SCUBE2: variants seen among roughly 807,000 people sequenced by gnomAD.
SCUBE2 encodes signal peptide, CUB domain and EGF like domain containing 2.
Under a neutral mutation model 125.9 loss-of-function variants are expected in SCUBE2, and 114 were observed. The ratio of observed to expected loss-of-function variants is 0.91; its 90% CI spans 0.78 to 1.06. SCUBE2 has a LOEUF of 1.06. Among genes scored for constraint, SCUBE2 ranks in the 50% least tolerant of loss-of-function variants. The pLI is 0.00. For missense variants in SCUBE2, 1,255 were observed against 1,301.8 expected, an observed-to-expected ratio of 0.96 and a Z score of 0.55; for synonymous variants, 459 against 492.9, an observed-to-expected ratio of 0.93 and a Z score of 0.91.
At chr11:9,074,435 G>T (rs567714267) in intron 4 of SCUBE2, 46 bp downstream of exon 4, 1 of 1,608,090 alleles carries the variant, frequency 6.2e-7, no homozygotes, top group Admixed American at 1.7e-5. Context: ...CAAGGGAGAG[G>T]GTCTCAGATG....
At chr11:9,029,027 C>T (rs989146999) in intron 19 of SCUBE2, among the ~76,000 whole-genome samples, 1 of 151,826 alleles carries the variant, frequency 6.6e-6, no homozygotes, top group Non-Finnish European at 1.5e-5. Context: ...TAATGATGTA[C>T]TGCCCCCCTC....
Position 9,091,418 on chromosome 11 carries a change from GC to G in SCUBE2, c.110del (p.Gly37AlafsTer10). 7.5e-7 allele frequency: 1 copy of G among 1,330,226 alleles called. No homozygotes were observed. Among genetic ancestry groups the G allele is most frequent in the Non-Finnish European group, 9.6e-7 (1 of 1,042,402 alleles). 82.4% of individuals were successfully genotyped at this position (1,330,226 alleles called of 1,614,324 possible). On this transcript the variant is annotated frameshift_variant, in exon 1 of 23. Coordinates refer to ENST00000649792, the MANE Select transcript of SCUBE2 (RefSeq NM_001367977.2). LOFTEE classifies it high-confidence loss of function. The surrounding 1 kb of genome is among the most constrained non-coding windows in gnomAD (Gnocchi z 8.5). ...CACCCTCCTGCGGCCCCGCGGCACG[GC>G]CCCGACCCGGCGGGACGGCCCCCGC... Reference protein sequence around the residue: ...LLAGAVPPGRGRAAGPQEDVD... With the variant: ...LLAGAVPPGRXRAAGPQEDVD...
At position 9,045,741 on chromosome 11, in the gene SCUBE2, T is replaced by G. The variant is rs541285429; in HGVS notation, c.2002+1615A>C. 6.6e-5 allele frequency among the ~76,000 whole-genome samples: 10 copies of G among 152,110 alleles called. No individual in the cohort carries two copies. The South Asian group carries it at 2.1e-3, about 32-fold the overall frequency. ...CACTTCTTTACACCCACTTCCTCCC[T>G]CAGCAGCAAGAGGGAATGTCACTGG... On this transcript the variant is annotated intron_variant, in intron 16 of 22. Coordinates refer to ENST00000649792, the MANE Select transcript of SCUBE2 (RefSeq NM_001367977.2).
chr11:9,039,572 G>A (rs904125906), intron 16 of SCUBE2, among the ~76,000 whole-genome samples: 1 of 152,188 alleles, frequency 6.6e-6, no homozygotes, highest in Non-Finnish European at 1.5e-5. Flanking sequence ...GGTCTCTGAG[G>A]CGGAATACTA....
At chr11:9,067,917 G>A (rs1057168857) in intron 5 of SCUBE2, among the ~76,000 whole-genome samples, 7 of 132,134 alleles carry the variant, frequency 5.3e-5, no homozygotes, top group South Asian at 2.3e-4. Context: ...TGAGGGTCTC[G>A]CCCCGCAGGT....
chr11:9,079,341 G>A (rs757372486), intron 3 of SCUBE2, 43 bp downstream of exon 3: 7 of 1,611,402 alleles, frequency 4.3e-6, no homozygotes, highest in Non-Finnish European at 5.1e-6. Flanking sequence ...AGAAAGGGGT[G>A]GGAGAGTGAA....
chr11:9,041,023 G>A (rs1483298619), intron 16 of SCUBE2, among the ~76,000 whole-genome samples: 1 of 152,162 alleles, frequency 6.6e-6, no homozygotes, highest in Non-Finnish European at 1.5e-5. Context: ...TTCACCTAAA[G>A]CACTAGCAAT....
chr11:9,052,852 T>G lies in SCUBE2; in HGVS notation c.1448-20A>C. 1 of 1,520,002 alleles carries G rather than the reference T, an allele frequency of 6.6e-7. No homozygotes were observed. Among genetic ancestry groups the G allele is most frequent in the Non-Finnish European group, 8.8e-7 (1 of 1,131,342 alleles). 94.2% of individuals were successfully genotyped at this position (1,520,002 alleles called of 1,614,324 possible). ...GCAGTCCTGACAGACAGAATGTCAA[T>G]TGTCAAATGCATAAGCAAGGTCACA... On this transcript the variant is annotated intron_variant, in intron 12 of 22. Transcript: ENST00000649792.
At chr11:9,051,225 T>TCTATCTATCTATCTACCTAC (rs755617422) in intron 13 of SCUBE2, among the ~76,000 whole-genome samples, 45 of 132,408 alleles carry the variant, frequency 3.4e-4, no homozygotes, top group South Asian at 1.9e-3. Flanking sequence ...TATCTATCTA[T>TCTATCTATCTATCTACCTAC]CTACCTACCT....
chr11:9,029,191 G>C (rs1376424362), intron 19 of SCUBE2, among the ~76,000 whole-genome samples: 1 of 152,260 alleles, frequency 6.6e-6, no homozygotes, highest in East Asian at 1.9e-4. Context: ...TAGACAGCAA[G>C]TCCTTAAATG....
At chr11:9,079,806 C>T (rs529969184) in intron 2 of SCUBE2, among the ~76,000 whole-genome samples, 1 of 152,200 alleles carries the variant, frequency 6.6e-6, no homozygotes, top group Admixed American at 6.5e-5. Flanking sequence ...TCTCTGTGAA[C>T]TGATTTGGAG....
At chr11:9,038,113 A>C (rs1017359719) in intron 16 of SCUBE2, among the ~76,000 whole-genome samples, 3 of 13,130 alleles carry the variant, frequency 2.3e-4, no homozygotes, top group African/African-American at 2.9e-4. Context: ...AGCTGGAGAC[A>C]CAGCAGAGAA....
chr11:9,033,893 A>T (rs1039492072), intron 16 of SCUBE2, 97 bp from the exon 17 acceptor site: 63 of 1,217,062 alleles, frequency 5.2e-5, no homozygotes, highest in Non-Finnish European at 7.4e-5. Flanking sequence ...GGCACTGACC[A>T]CACCACCCAC....
At position 9,050,745 on chromosome 11, in the gene SCUBE2, A is replaced by G. The variant is rs373235610; in HGVS notation, c.1535-35T>C. The G allele has an allele frequency of 9.9e-5, 152 of 1,540,274 alleles. No individual in the cohort carries two copies. The African/African-American group carries it at 1.7e-3, about 17-fold the overall frequency. On this transcript the variant is annotated intron_variant, in intron 13 of 22. Transcript: ENST00000649792. ...GAAACAAGTGAGAGATGTTACCTTC[A>G]GAGGCAAAGGAATGGAGACACCAGA...
At chr11:9,083,499 G>T (rs545394057) in intron 2 of SCUBE2, among the ~76,000 whole-genome samples, 1 of 152,064 alleles carries the variant, frequency 6.6e-6, no homozygotes, top group Non-Finnish European at 1.5e-5. Flanking sequence ...GATAATGAGC[G>T]CCAGATTTCT....
intron 2 of SCUBE2, 150 bp from the exon 3 acceptor site, chr11:9,079,659 G>T: frequency 1.3e-6 from 1 of 749,324 alleles, no homozygotes. Flanking sequence ...GTTATTCACT[G>T]CAGTGTTGTT....
In SCUBE2 at chr11:9,019,532, T is replaced by C. The variant is rs931571744; in HGVS notation, c.*1513A>G. ...AATGCTATTTTTTTTTTAATGATGA[T>C]GTTCAAACTTTTGAAGAGAAATCTG... On this transcript the variant is annotated 3_prime_UTR_variant, in exon 23 of 23. Coordinates refer to ENST00000649792, the MANE Select transcript of SCUBE2 (RefSeq NM_001367977.2). Among the ~76,000 whole-genome samples the C allele has an allele frequency of 6.6e-6, 1 of 151,930 alleles. No homozygotes were observed. Among genetic ancestry groups the C allele is most frequent in the Non-Finnish European group, 1.5e-5 (1 of 67,988 alleles).
intron 20 of SCUBE2, 200 bp downstream of exon 20, chr11:9,027,164 A>G (rs886859596): frequency 3.4e-6 from 2 of 593,144 alleles, no homozygotes; most frequent in Non-Finnish European, 5.9e-6. Flanking sequence ...CAGGATCACT[A>G]CCTCTGGGGC....
chr11:9,058,595 C>CAAAA lies in SCUBE2; in HGVS notation c.1090+704_1090+707dup, dbSNP rs61409328. ...TGGGTGACAGAGCGAGACTCTGTCT[C>CAAAA]AAAAAAAAAAAAAAAAAAAAAAAAA... On this transcript the variant is annotated intron_variant, in intron 9 of 22. Transcript: ENST00000649792. Among the ~76,000 whole-genome samples, 122 of 44,318 alleles carry CAAAA rather than the reference C, an allele frequency of 2.8e-3. 2 individuals are homozygous for CAAAA. Among genetic ancestry groups the CAAAA allele is most frequent in the Middle Eastern group, 0.024 (1 of 42 alleles). The allele number at this position is 44,318 out of a possible 152,430, so 29.1% of individuals were successfully genotyped here. A position where few individuals can be genotyped will look rare whatever the true frequency, so the allele number is the denominator to read the frequency against.
Sources: allele counts gnomAD v4.1 joint callset (sites outside exome capture counted in the v4.1 genomes callset), GRCh38; gene constraint gnomAD v4.1.1; non-coding constraint Gnocchi (gnomAD v3.1); transcripts MANE v1.5; gene names NCBI Gene and HGNC (gene_info 2026-07-23, HGNC 2026-07-21).